The following TNR variants were observed in gnomAD, a reference collection of about 807,000 sequenced individuals.
TNR encodes the protein tenascin-R.
In TNR, 45 loss-of-function variants were observed where a neutral mutation model predicts 150.4. That is an observed-to-expected ratio of 0.30 (90% CI 0.24 to 0.38). The LOEUF is 0.38. Among genes scored for constraint, TNR ranks in the 10% least tolerant of loss-of-function variants. The probability of loss-of-function intolerance (pLI) is 1.00; values close to 1 mark genes in which losing one functional copy is unlikely to be tolerated. For missense variants in TNR, 1,544 were observed against 1,759.1 expected, an observed-to-expected ratio of 0.88 and a Z score of 2.19; for synonymous variants, 687 against 678.4, an observed-to-expected ratio of 1.01 and a Z score of -0.20.
intron 2 of TNR, among the ~76,000 whole-genome samples, chr1:175,463,336 C>T (rs1170595091): frequency 6.6e-6 from 1 of 152,160 alleles, no homozygotes; most frequent in Admixed American, 6.5e-5. Flanking sequence ...TATGCTTTTG[C>T]CAGCACCACC....
chr1:175,658,043 C>T (rs1341214552), intron 1 of TNR, among the ~76,000 whole-genome samples: 1 of 151,722 alleles, frequency 6.6e-6, no homozygotes, highest in Non-Finnish European at 1.5e-5. Flanking sequence ...TCCACTCAGG[C>T]AGCACATCAC....
rs144915710 is a variant in TNR, at chr1:175,337,537, G to A, written c.3525C>T (p.Gly1175=). 57 of 1,612,998 alleles carry A rather than the reference G, an allele frequency of 3.5e-5. No individual in the cohort carries two copies. Among genetic ancestry groups the A allele is most frequent in the South Asian group, 6.6e-5 (6 of 91,028 alleles). Residue 1175 remains glycine, a synonymous_variant, in exon 19 of 23, where the codon GGC becomes GGT. Coordinates refer to ENST00000367674, the MANE Select transcript of TNR (RefSeq NM_003285.3). ...QVYCDMTTDG[G]GWIVFQRRQN... is the part of the protein sequence containing the mutation. ...CACAGATTGTACTTACAATCCAGCCGCCCCCGTCGGTGGTCATATCACAGT... is the reference window on the plus strand; with the variant it reads ...CACAGATTGTACTTACAATCCAGCCACCCCCGTCGGTGGTCATATCACAGT...
chr1:175,417,044 A>G (rs1042620628), intron 2 of TNR, among the ~76,000 whole-genome samples: 1 of 100,994 alleles, frequency 9.9e-6, no homozygotes, highest in African/African-American at 3.6e-5. Context: ...AGAAAGAAAG[A>G]AAGAAAGAAA....
chr1:175,591,050 G>A (rs1662777997), intron 1 of TNR, among the ~76,000 whole-genome samples: 1 of 152,198 alleles, frequency 6.6e-6, no homozygotes, highest in Non-Finnish European at 1.5e-5. Flanking sequence ...ACTGGGGAGG[G>A]GAGATCACAG....
intron 2 of TNR, among the ~76,000 whole-genome samples, chr1:175,424,230 A>G (rs859478): frequency 0.74 from 112,681 of 152,144 alleles, 43,162 homozygotes; most frequent in African/African-American, 0.94. Context: ...ACTGTGCCCC[A>G]ACTCGGGCAG....
intron 1 of TNR, among the ~76,000 whole-genome samples, chr1:175,536,902 G>T (rs1660314348): frequency 6.6e-6 from 1 of 152,132 alleles, no homozygotes; most frequent in Non-Finnish European, 1.5e-5. Flanking sequence ...GTCCTTCTTG[G>T]CCAAGTGGGC....
Position 175,627,215 on chromosome 1 carries a change from C to A in TNR, c.-164-98846G>T, listed in dbSNP as rs558957829. On this transcript the variant is annotated intron_variant, in intron 1 of 22. Coordinates refer to ENST00000367674, the MANE Select transcript of TNR (RefSeq NM_003285.3). The stretch of plus-strand genomic sequence containing the variant: ...TGATTGACATGGCAAGAGGACAAAG[C>A]AGAATCTCATGGAATAAAAAGCCCT... Among the ~76,000 whole-genome samples the A allele has an allele frequency of 3.3e-5, 5 of 152,328 alleles. No homozygotes were observed. In the South Asian group the frequency reaches 1.0e-3, roughly 32 times the overall value.
intron 1 of TNR, among the ~76,000 whole-genome samples, chr1:175,580,507 T>C (rs1005428364): frequency 6.6e-6 from 1 of 152,204 alleles, no homozygotes; most frequent in African/African-American, 2.4e-5. Flanking sequence ...GAATTATCTT[T>C]AAGGCTAGTT....
chr1:175,601,260 A>G (rs868689232), intron 1 of TNR, among the ~76,000 whole-genome samples: 22 of 152,364 alleles, frequency 1.4e-4, no homozygotes, highest in African/African-American at 4.8e-4. Context: ...TCACTTGGCC[A>G]GTTCTTACTC....
chr1:175,558,984 T>C (rs1191828124), intron 1 of TNR, among the ~76,000 whole-genome samples: 2 of 152,206 alleles, frequency 1.3e-5, no homozygotes, highest in African/African-American at 2.4e-5. Flanking sequence ...TGGTGGGAGA[T>C]GTTGATAGCT....
chr1:175,512,665 T>G (rs1228646768), intron 2 of TNR, among the ~76,000 whole-genome samples: 1 of 152,110 alleles, frequency 6.6e-6, no homozygotes, highest in Non-Finnish European at 1.5e-5. Flanking sequence ...AAAAGCACCT[T>G]TAAGAGTTGT....
intron 1 of TNR, among the ~76,000 whole-genome samples, chr1:175,664,429 G>A (rs1000050252): frequency 1.2e-4 from 18 of 152,304 alleles, no homozygotes; most frequent in African/African-American, 2.6e-4. Flanking sequence ...GAAGGAGTGA[G>A]GTATAAAAGT....
intron 15 of TNR, among the ~76,000 whole-genome samples, chr1:175,356,675 A>C (rs1571332475): frequency 6.6e-6 from 1 of 152,158 alleles, no homozygotes; most frequent in South Asian, 2.1e-4. Context: ...TGTGCAGGTC[A>C]AATTGTCTTC....
At chr1:175,475,797 G>A (rs859413) in intron 2 of TNR, among the ~76,000 whole-genome samples, 100,508 of 152,034 alleles carry the variant, frequency 0.66, 34,049 homozygotes, top group African/African-American at 0.82. Flanking sequence ...TTCTTACCCA[G>A]CTTACTTATT....
intron 1 of TNR, among the ~76,000 whole-genome samples, chr1:175,707,675 C>A (rs1392450568): frequency 6.6e-6 from 1 of 152,076 alleles, no homozygotes; most frequent in South Asian, 2.1e-4. Flanking sequence ...TTTTTAAAAC[C>A]CAACTTGTTC....
intron 1 of TNR, among the ~76,000 whole-genome samples, chr1:175,531,019 A>AG (rs1660047092): frequency 6.6e-6 from 1 of 152,222 alleles, no homozygotes; most frequent in South Asian, 2.1e-4. Flanking sequence ...TTTGAGGGAG[A>AG]GGGACATGGG....
At chr1:175,417,713 G>A (rs1485383) in intron 2 of TNR, among the ~76,000 whole-genome samples, 47,752 of 151,640 alleles carry the variant, frequency 0.31, 9,125 homozygotes, top group African/African-American at 0.53. Context: ...TTTGAAAATT[G>A]TACTCATCCA....
rs201150582 is a variant in TNR, at chr1:175,323,393, G to T, written c.4041C>A (p.Leu1347=). Residue 1347 remains leucine, a synonymous_variant, in exon 23 of 23, where the codon CTC becomes CTA. Coordinates refer to ENST00000367674, the MANE Select transcript of TNR (RefSeq NM_003285.3). ...AGGACTGCCGTTTTCTCCCTGCCAT[G>T]AGACGGTGGTTGTAGGGGCGCATCT... The part of the protein sequence containing the change: ...EMKMRPYNHR[L]MAGRKRQSLQ... 1 of 1,614,154 alleles carries T rather than the reference G, an allele frequency of 6.2e-7. No homozygotes were observed. Among genetic ancestry groups the T allele is most frequent in the East Asian group, 2.2e-5 (1 of 44,888 alleles).
chr1:175,467,591 G>C (rs1252635638), intron 2 of TNR, among the ~76,000 whole-genome samples: 1 of 152,176 alleles, frequency 6.6e-6, no homozygotes, highest in Non-Finnish European at 1.5e-5. Context: ...ATGGCCACGA[G>C]TTTTTGGAGG....
Sources: allele counts gnomAD v4.1 joint callset (sites outside exome capture counted in the v4.1 genomes callset), GRCh38; gene constraint gnomAD v4.1.1; transcripts MANE v1.5; gene names NCBI Gene and HGNC (gene_info 2026-07-23, HGNC 2026-07-21).